Variants in DPP6 observed in about 807,000 individuals in gnomAD.
The protein encoded by DPP6 is A-type potassium channel modulatory protein DPP6.
DPP6 carries 69 observed loss-of-function variants against 122.6 expected under a neutral mutation model. That is an observed-to-expected ratio of 0.56 (90% CI 0.46 to 0.69). The LOEUF (loss-of-function observed/expected upper bound fraction) is 0.69, where lower values mean the gene tolerates loss of function less well. Among genes scored for constraint, DPP6 ranks in the 30% least tolerant of loss-of-function variants. The pLI is 0.00. For synonymous variants in DPP6, 418 were observed against 433.1 expected (o/e 0.97, Z 0.43); for missense variants, 928 against 1,116.9 (o/e 0.83, Z 2.41).
intron 1 of DPP6, among the ~76,000 whole-genome samples, chr7:154,347,853 A>G (rs554475195): frequency 6.6e-6 from 1 of 152,324 alleles, no homozygotes; most frequent in South Asian, 2.1e-4. Context: ...AAGAGTGCCA[A>G]CTTGTGGAGT....
chr7:154,670,869 T>C (rs1392557914), intron 7 of DPP6, among the ~76,000 whole-genome samples: 1 of 152,184 alleles, frequency 6.6e-6, no homozygotes, highest in Non-Finnish European at 1.5e-5. Context: ...AGCAAGAAGA[T>C]CGAGGCGGTG....
chr7:153,766,226 T>C, the DPP6 span, among the ~76,000 whole-genome samples: 5 of 152,184 alleles, frequency 3.3e-5, no homozygotes, highest in African/African-American at 1.2e-4. Flanking sequence ...TGCCATTCAT[T>C]TGGAAAGGAG....
intron 7 of DPP6, among the ~76,000 whole-genome samples, chr7:154,717,251 T>C (rs1317212918): frequency 6.6e-6 from 1 of 152,228 alleles, no homozygotes; most frequent in East Asian, 1.9e-4. Flanking sequence ...TCTTCTCTTC[T>C]AGATATTTTG....
intron 1 of DPP6, among the ~76,000 whole-genome samples, chr7:153,888,139 C>T (rs1281081253): frequency 1.3e-5 from 2 of 152,110 alleles, no homozygotes; most frequent in Non-Finnish European, 2.9e-5. Flanking sequence ...CCCTGGCGCC[C>T]GCGCCGGCCT....
At chr7:154,382,139 G>A (rs745810868) in intron 1 of DPP6, among the ~76,000 whole-genome samples, 4 of 142,432 alleles carry the variant, frequency 2.8e-5, no homozygotes, top group Non-Finnish European at 4.5e-5. Context: ...GAAGTGAGCC[G>A]CAGATGCAGG....
chr7:154,061,638 C>G (rs1464679211), intron 1 of DPP6, among the ~76,000 whole-genome samples: 2 of 124,470 alleles, frequency 1.6e-5, no homozygotes, highest in Non-Finnish European at 3.5e-5. Flanking sequence ...GCACCCGCTG[C>G]GAGGCGGGGA....
At chr7:154,127,752 ATC>A (rs1808047160) in intron 1 of DPP6, among the ~76,000 whole-genome samples, 1 of 152,054 alleles carries the variant, frequency 6.6e-6, no homozygotes, top group Non-Finnish European at 1.5e-5. Flanking sequence ...CCAGACTGTG[ATC>A]TGTTTCTGTC....
chr7:154,022,042 C>G (rs537804245), intron 1 of DPP6, among the ~76,000 whole-genome samples: 2 of 152,056 alleles, frequency 1.3e-5, no homozygotes, highest in African/African-American at 4.8e-5. Flanking sequence ...TCAACTCCCC[C>G]TCTCAATGGG....
intron 1 of DPP6, among the ~76,000 whole-genome samples, chr7:154,077,588 C>T (rs886500962): frequency 3.3e-5 from 5 of 152,110 alleles, no homozygotes; most frequent in African/African-American, 1.2e-4. Flanking sequence ...CTGAAAAACT[C>T]TCCTCATTTC....
intron 1 of DPP6, among the ~76,000 whole-genome samples, chr7:154,120,732 A>AG (rs1179144367): frequency 2.0e-5 from 3 of 152,236 alleles, no homozygotes; most frequent in Non-Finnish European, 4.4e-5. Flanking sequence ...AGTACACATG[A>AG]GGAACTCTGG....
intron 1 of DPP6, among the ~76,000 whole-genome samples, chr7:154,277,803 G>C (rs1302612453): frequency 2.6e-5 from 4 of 152,166 alleles, no homozygotes; most frequent in African/African-American, 9.7e-5. Flanking sequence ...GAGGAAAGTA[G>C]TCTTCTCTCT....
intron 2 of DPP6, among the ~76,000 whole-genome samples, chr7:154,467,192 T>G (rs1221990382): frequency 6.6e-6 from 1 of 152,230 alleles, no homozygotes; most frequent in African/African-American, 2.4e-5. Context: ...GGGAGTCATC[T>G]TTCTTCTTCA....
intron 2 of DPP6, among the ~76,000 whole-genome samples, chr7:154,455,545 A>T (rs1820753427): frequency 6.6e-6 from 1 of 152,240 alleles, no homozygotes; most frequent in South Asian, 2.1e-4. Context: ...AGAAATAATT[A>T]GGTTACATTG....
At chr7:153,827,673 A>G in the DPP6 span, among the ~76,000 whole-genome samples, 4 of 152,116 alleles carry the variant, frequency 2.6e-5, no homozygotes. Flanking sequence ...AGGACCACAT[A>G]GGACACCAGA....
At chr7:154,701,260 T>TAGG (rs1563119285) in intron 7 of DPP6, among the ~76,000 whole-genome samples, 1 of 152,168 alleles carries the variant, frequency 6.6e-6, no homozygotes, top group Admixed American at 6.5e-5. Flanking sequence ...CAGGCCTTTC[T>TAGG]CCTCTGCCTC....
chr7:153,798,862 AG>A, the DPP6 span, among the ~76,000 whole-genome samples: 1 of 152,216 alleles, frequency 6.6e-6, no homozygotes, highest in Non-Finnish European at 1.5e-5. Flanking sequence ...CATAAGGATC[AG>A]GTATTAGATT....
intron 1 of DPP6, among the ~76,000 whole-genome samples, chr7:154,084,975 G>T (rs1393097919): frequency 8.0e-6 from 1 of 124,436 alleles, no homozygotes; most frequent in African/African-American, 3.3e-5. Context: ...GGGCGACAGA[G>T]CGAGACTCCG....
intron 1 of DPP6, among the ~76,000 whole-genome samples, chr7:154,247,022 A>G (rs1802024468): frequency 6.6e-6 from 1 of 152,216 alleles, no homozygotes; most frequent in Non-Finnish European, 1.5e-5. Context: ...GCTAAAATGA[A>G]TCATCAAGGG....
At chr7:154,588,065 G>A (rs1193922318) in intron 5 of DPP6, 7 of 1,606,902 alleles carry the variant, frequency 4.4e-6, no homozygotes, top group Non-Finnish European at 6.0e-6. Flanking sequence ...CAGATTTCGG[G>A]CCAGAGAGCA....
Sources: allele counts gnomAD v4.1 joint callset (sites outside exome capture counted in the v4.1 genomes callset), GRCh38; gene constraint gnomAD v4.1.1; transcripts MANE v1.5; gene names NCBI Gene and HGNC (gene_info 2026-07-23, HGNC 2026-07-21).